The following ROBO1 variants were observed in gnomAD, a reference collection of about 807,000 sequenced individuals.
ROBO1 encodes the protein roundabout homolog 1.
A neutral mutation model predicts 195.9 loss-of-function variants in ROBO1; 149 were observed. That is an observed-to-expected ratio of 0.76 (90% confidence interval 0.67 to 0.87). ROBO1 has a LOEUF of 0.87. ROBO1 is among the 40% of genes least tolerant of loss of function. The pLI, the probability that ROBO1 is intolerant of heterozygous loss-of-function variation, is 0.00. For synonymous variants in ROBO1, 816 were observed against 733.2 expected (o/e 1.11, Z -1.82); for missense variants, 1,933 against 2,068.3 (o/e 0.93, Z 1.27).
chr3:79,271,131 C>T (rs2030514294), intron 2 of ROBO1, among the ~76,000 whole-genome samples: 1 of 151,920 alleles, frequency 6.6e-6, no homozygotes, highest in Non-Finnish European at 1.5e-5. Flanking sequence ...AACAGATGTG[C>T]TTTCAAAGCA....
At chr3:79,005,832 CT>C (rs1375670476) in intron 3 of ROBO1, among the ~76,000 whole-genome samples, 2 of 152,108 alleles carry the variant, frequency 1.3e-5, no homozygotes, top group African/African-American at 4.8e-5. Flanking sequence ...GTAAGCTTCT[CT>C]CCTGAAAATA....
intron 1 of ROBO1, among the ~76,000 whole-genome samples, chr3:79,654,144 T>G (rs1470349703): frequency 6.6e-6 from 1 of 152,004 alleles, no homozygotes; most frequent in East Asian, 1.9e-4. Flanking sequence ...TTACTCCGTC[T>G]ACTAATGAGA....
At chr3:79,366,725 G>A (rs904862756) in intron 2 of ROBO1, among the ~76,000 whole-genome samples, 2 of 152,146 alleles carry the variant, frequency 1.3e-5, no homozygotes, top group Admixed American at 6.6e-5. Flanking sequence ...GGTCACATTT[G>A]CCAATGATGT....
intron 3 of ROBO1, among the ~76,000 whole-genome samples, chr3:78,994,016 T>C (rs2077300131): frequency 2.0e-5 from 3 of 152,108 alleles, no homozygotes; most frequent in Non-Finnish European, 2.9e-5. Context: ...TAGGATGTTA[T>C]AGTTCCCAGC....
intron 2 of ROBO1, among the ~76,000 whole-genome samples, chr3:79,582,880 C>T (rs928438789): frequency 6.6e-6 from 1 of 152,038 alleles, no homozygotes; most frequent in Admixed American, 6.6e-5. Flanking sequence ...TTCCTACTCA[C>T]CCCTTTTCAA....
intron 2 of ROBO1, among the ~76,000 whole-genome samples, chr3:79,534,580 C>T (rs1941784116): frequency 6.6e-6 from 1 of 152,094 alleles, no homozygotes. Flanking sequence ...TATGTTACTT[C>T]CTGTTGCTTT....
At chr3:79,726,336 A>G (rs1364455487) in intron 1 of ROBO1, among the ~76,000 whole-genome samples, 1 of 152,190 alleles carries the variant, frequency 6.6e-6, no homozygotes, top group African/African-American at 2.4e-5. Flanking sequence ...AAAACCTGTA[A>G]CAGCAGAACC....
At chr3:79,256,916 T>C (rs984030877) in intron 2 of ROBO1, among the ~76,000 whole-genome samples, 1 of 152,198 alleles carries the variant, frequency 6.6e-6, no homozygotes, top group Admixed American at 6.6e-5. Flanking sequence ...TAGTAACCTC[T>C]AAATTTTTAG....
At chr3:79,681,229 G>A (rs1470250853) in intron 1 of ROBO1, among the ~76,000 whole-genome samples, 3 of 151,948 alleles carry the variant, frequency 2.0e-5, no homozygotes, top group Non-Finnish European at 2.9e-5. Context: ...GGGTAGGAAC[G>A]GCTTTATGGC....
At chr3:79,571,052 T>A (rs1943261253) in intron 2 of ROBO1, among the ~76,000 whole-genome samples, 1 of 152,112 alleles carries the variant, frequency 6.6e-6, no homozygotes, top group African/African-American at 2.4e-5. Flanking sequence ...CACATGTATA[T>A]TATTGTTATG....
chr3:79,121,892 A>T lies in ROBO1; in HGVS notation c.172+3564T>A, dbSNP rs2080123294. Among the ~76,000 whole-genome samples, 3 of 151,844 alleles carry T rather than the reference A, an allele frequency of 2.0e-5. No homozygotes were observed. The South Asian group carries it at 6.2e-4, about 32-fold the overall frequency. ...TGTTAGTAGGATTTCATTAGCACCC[A>T]CTTATTCCCTGAATTTTTAATGTAT... On this transcript the variant is annotated intron_variant, in intron 3 of 30. Transcript: ENST00000464233.
intron 2 of ROBO1, among the ~76,000 whole-genome samples, chr3:79,480,072 AG>A (rs1938756807): frequency 6.6e-6 from 1 of 152,326 alleles, no homozygotes; most frequent in East Asian, 1.9e-4. Context: ...AATACCGAAA[AG>A]GCTTTTTGTA....
chr3:79,333,534 C>G (rs190942340), intron 2 of ROBO1, among the ~76,000 whole-genome samples: 1 of 152,264 alleles, frequency 6.6e-6, no homozygotes, highest in East Asian at 1.9e-4. Context: ...CACACAGTCT[C>G]AAGCTTATCC....
At chr3:79,365,754 G>C (rs1421588975) in intron 2 of ROBO1, among the ~76,000 whole-genome samples, 1 of 151,860 alleles carries the variant, frequency 6.6e-6, no homozygotes, top group Non-Finnish European at 1.5e-5. Flanking sequence ...AAAATTATCC[G>C]GGCGTGGTGG....
In ROBO1 at chr3:79,415,315, T is replaced by A. The variant is rs933841456; in HGVS notation, c.88+174509A>T. ...GACGCTGTATAATAATATCTTACTT[T>A]TAAACACATACTTTTAAATTGCATC... On this transcript the variant is annotated intron_variant, in intron 2 of 30. Coordinates refer to ENST00000464233, the MANE Select transcript of ROBO1 (RefSeq NM_002941.4). 4.6e-5 allele frequency among the ~76,000 whole-genome samples: 7 copies of A among 152,120 alleles called. No homozygotes were observed. In the East Asian group the frequency reaches 1.4e-3, roughly 29 times the overall value.
chr3:78,678,004 C>A (rs1164143540), intron 10 of ROBO1, among the ~76,000 whole-genome samples: 1 of 151,960 alleles, frequency 6.6e-6, no homozygotes, highest in Non-Finnish European at 1.5e-5. Flanking sequence ...CAAACTAGAA[C>A]TCAGGATTAA....
chr3:79,069,499 C>T (rs1297720211), intron 3 of ROBO1, among the ~76,000 whole-genome samples: 2 of 151,878 alleles, frequency 1.3e-5, no homozygotes, highest in Non-Finnish European at 2.9e-5. Flanking sequence ...AAAGTATTTG[C>T]TATTTGCTAC....
At chr3:79,673,735 C>A (rs917377647) in intron 1 of ROBO1, among the ~76,000 whole-genome samples, 1 of 151,888 alleles carries the variant, frequency 6.6e-6, no homozygotes, top group African/African-American at 2.4e-5. Flanking sequence ...ATTTCTAAAC[C>A]AGAGTTTCAT....
intron 3 of ROBO1, among the ~76,000 whole-genome samples, chr3:78,961,764 G>A (rs558938488): frequency 2.6e-5 from 4 of 152,090 alleles, no homozygotes; most frequent in Non-Finnish European, 4.4e-5. Context: ...AATTCACCTT[G>A]TACAAGAATG....
Sources: gnomAD v4.1 joint callset for allele counts (sites outside exome capture counted in the v4.1 genomes callset) on GRCh38, gnomAD v4.1.1 for gene constraint, MANE v1.5 for transcripts, NCBI Gene and HGNC (gene_info 2026-07-23, HGNC 2026-07-21) for gene names.